The following ERCC6L2 variants were observed in gnomAD, a reference collection of about 807,000 sequenced individuals.
ERCC6L2 encodes ERCC excision repair 6 like 2, also known as DNA excision repair protein ERCC-6-like 2.
ERCC6L2 carries 77 observed loss-of-function variants against 132.0 expected under a neutral mutation model. The observed-to-expected ratio is 0.58, with a 90% CI of 0.49 to 0.71. ERCC6L2 has a LOEUF of 0.71. Ranked by LOEUF, ERCC6L2 falls within the 30% of genes least tolerant of loss-of-function variation. The pLI, the probability that ERCC6L2 is intolerant of heterozygous loss-of-function variation, is 0.00. For synonymous variants in ERCC6L2, 583 were observed against 632.4 expected, an observed-to-expected ratio of 0.92 and a Z score of 1.17; for missense variants, 1,542 against 1,837.6, an observed-to-expected ratio of 0.84 and a Z score of 2.94.
chr9:96,032,081 C>T (rs1168643311), intron 19 of ERCC6L2, among the ~76,000 whole-genome samples: 2 of 152,202 alleles, frequency 1.3e-5, no homozygotes, highest in Non-Finnish European at 1.5e-5. Flanking sequence ...GCTACTTCCA[C>T]ATCTCCCTTC....
chr9:95,966,701 A>G lies in ERCC6L2; in HGVS notation c.2087A>G (p.Lys696Arg), dbSNP rs1300174166. 5 of 1,473,668 alleles carry G rather than the reference A, an allele frequency of 3.4e-6. No homozygotes were observed. The highest frequency in any genetic ancestry group is 4.6e-6 in the Non-Finnish European group (5 of 1,091,142). 91.3% of individuals were successfully genotyped at this position (1,473,668 alleles called of 1,614,324 possible). A position where few individuals can be genotyped will look rare whatever the true frequency, so the allele number is the denominator to read the frequency against. The stretch of plus-strand genomic sequence containing the variant: ...AGGTCCCAAGGGTCTTGTCTTACGA[A>G]GGACATCCTGGAGGTGTGAACTTCT... Reference protein sequence around the residue: ...KFRSQGSCLTKDILEREGQVE... With the variant: ...KFRSQGSCLTRDILEREGQVE... The change falls in exon 14 of 19, where the codon AAG becomes AGG. Residue 696 changes from lysine to arginine, a missense_variant. By Grantham distance (26) the Lys-to-Arg change is conservative. Coordinates refer to ENST00000653738, the MANE Select transcript of ERCC6L2 (RefSeq NM_020207.7).
chr9:95,958,867 G>T (rs1831753493), intron 13 of ERCC6L2, among the ~76,000 whole-genome samples: 1 of 152,006 alleles, frequency 6.6e-6, no homozygotes, highest in Admixed American at 6.6e-5. Flanking sequence ...ACTGCTCAAT[G>T]AAATAAAAGA....
At chr9:96,038,469 G>T (rs1328959165) in intron 19 of ERCC6L2, among the ~76,000 whole-genome samples, 1 of 152,202 alleles carries the variant, frequency 6.6e-6, no homozygotes, top group East Asian at 1.9e-4. Context: ...AACAGCAGTA[G>T]GAGTCACCTG....
intron 19 of ERCC6L2, among the ~76,000 whole-genome samples, chr9:96,034,188 A>AG (rs922339364): frequency 2.0e-5 from 3 of 152,156 alleles, no homozygotes; most frequent in African/African-American, 7.2e-5. Flanking sequence ...TAGGGATAGG[A>AG]GGGGGGTCCG....
chr9:96,012,287 A>G lies in ERCC6L2; in HGVS notation c.3737A>G (p.His1246Arg), dbSNP rs1166045803. The G allele has an allele frequency of 1.5e-6, 2 of 1,343,994 alleles. No homozygotes were observed. Among genetic ancestry groups the G allele is most frequent in the Non-Finnish European group, 2.0e-6 (2 of 1,006,156 alleles). 83.3% of individuals were successfully genotyped at this position (1,343,994 alleles called of 1,614,324 possible). A position where few individuals can be genotyped will look rare whatever the true frequency, so the allele number is the denominator to read the frequency against. Residue 1246 changes from histidine to arginine, a missense_variant, in exon 19 of 19, where the codon CAT becomes CGT. Around this residue, in one of 4 missense-constraint regions of ERCC6L2, gnomAD observed 442 missense variants for 583.4 expected, o/e 0.76. Coordinates refer to ENST00000653738, the MANE Select transcript of ERCC6L2 (RefSeq NM_020207.7). ...NSSSVNEFAK[H>R]ITNATSEERQ... ...TCTTCTGTAAACGAATTTGCTAAAC[A>G]TATAACCAATGCCACATCAGAAGAA...
chr9:95,905,921 A>G (rs1328527135), intron 3 of ERCC6L2, among the ~76,000 whole-genome samples: 1 of 152,222 alleles, frequency 6.6e-6, no homozygotes, highest in Non-Finnish European at 1.5e-5. Context: ...GATCAAGTAT[A>G]AAACTTTAGA....
chr9:96,010,326 T>C (rs751064516), intron 18 of ERCC6L2, among the ~76,000 whole-genome samples: 2 of 152,222 alleles, frequency 1.3e-5, no homozygotes, highest in Non-Finnish European at 2.9e-5. Flanking sequence ...GTGTGCTTTA[T>C]GGTCTGCCCC....
rs1398903368 is a variant in ERCC6L2 at position 95,972,463 on chromosome 9, C to G, written c.2712C>G (p.Ile904Met). The G allele has an allele frequency of 2.3e-6, 3 of 1,285,768 alleles. No homozygotes were observed. The highest frequency in any genetic ancestry group is 3.0e-6 in the Non-Finnish European group (3 of 987,948). 79.6% of individuals were successfully genotyped at this position (1,285,768 alleles called of 1,614,324 possible). The change falls in exon 16 of 19, where the codon ATC becomes ATG. Residue 904 changes from isoleucine (I) to methionine (M), a missense_variant. By Grantham distance (10) the Ile-to-Met change is conservative. Around this residue, in one of 4 missense-constraint regions of ERCC6L2, gnomAD observed 945 missense variants for 1,105.2 expected, o/e 0.86. Coordinates refer to ENST00000653738, the MANE Select transcript of ERCC6L2 (RefSeq NM_020207.7). ...NVTESEDSDV[I>M]CPTQYTTERF... ...CAGAATCAGAAGATAGTGATGTCATCTGTCCTACACAATACACAACTGAGA... is the reference window on the plus strand; with the variant it reads ...CAGAATCAGAAGATAGTGATGTCATGTGTCCTACACAATACACAACTGAGA...
chr9:95,900,205 C>T (rs1035353598), intron 3 of ERCC6L2, among the ~76,000 whole-genome samples: 1 of 151,892 alleles, frequency 6.6e-6, no homozygotes, highest in Non-Finnish European at 1.5e-5. Flanking sequence ...CATAAGAATA[C>T]CCTGTCTTTA....
intron 2 of ERCC6L2, among the ~76,000 whole-genome samples, chr9:95,886,427 C>G (rs528389607): frequency 1.3e-5 from 2 of 152,070 alleles, no homozygotes; most frequent in Non-Finnish European, 2.9e-5. Context: ...TAACTTAGTA[C>G]GTAAAACAGG....
At chr9:95,966,513 A>G (rs773305155) in intron 13 of ERCC6L2, 49 bp from the exon 14 acceptor site, 11 of 1,385,134 alleles carry the variant, frequency 7.9e-6, no homozygotes, top group Non-Finnish European at 1.0e-5. Flanking sequence ...ATTCTGACAT[A>G]TTGTTGGAGC....
chr9:95,882,226 A>G (rs929612066), intron 2 of ERCC6L2, among the ~76,000 whole-genome samples: 1 of 152,226 alleles, frequency 6.6e-6, no homozygotes, highest in Admixed American at 6.5e-5. Flanking sequence ...TTGGTGATGT[A>G]ATAACACAAG....
At chr9:95,998,730 T>C (rs142313487) in intron 17 of ERCC6L2, among the ~76,000 whole-genome samples, 56 of 152,342 alleles carry the variant, frequency 3.7e-4, no homozygotes, top group African/African-American at 1.3e-3. Context: ...TTTAGCTTAG[T>C]GAGACCCATG....
intron 4 of ERCC6L2, among the ~76,000 whole-genome samples, chr9:95,910,097 G>GAT (rs1377522258): frequency 6.6e-6 from 1 of 152,208 alleles, no homozygotes; most frequent in Non-Finnish European, 1.5e-5. Context: ...GATTGGCCAA[G>GAT]ATGTTGCTTA....
intron 3 of ERCC6L2, chr9:95,904,999 C>T (rs918558293): frequency 2.0e-5 from 3 of 151,980 alleles, no homozygotes; most frequent in African/African-American, 4.8e-5. Context: ...ATCACCCTTC[C>T]CCCATGTCTA....
chr9:96,035,036 T>C (rs989616497), intron 19 of ERCC6L2, among the ~76,000 whole-genome samples: 2 of 152,094 alleles, frequency 1.3e-5, no homozygotes. Flanking sequence ...CTTGGGGGCC[T>C]GGGAAGGACT....
rs1834046281 is a variant in ERCC6L2, at chr9:96,012,142, T to A, written c.3675-83T>A. Reference sequence around the variant, plus strand: ...GAACAAGATTACCTTCTGTGGACTCTACATTTCCTCTTACTGGTGATGAGT... The same window carrying A: ...GAACAAGATTACCTTCTGTGGACTCAACATTTCCTCTTACTGGTGATGAGT... On this transcript the variant is annotated intron_variant, in intron 18 of 18. Transcript: ENST00000653738. The A allele has an allele frequency of 4.2e-6, 4 of 948,556 alleles. No homozygotes were observed. In the East Asian group the frequency reaches 2.5e-4, roughly 59 times the overall value. The allele number at this position is 948,556 out of a possible 1,614,324, so 58.8% of individuals were successfully genotyped here. A position where few individuals can be genotyped will look rare whatever the true frequency, so the allele number is the denominator to read the frequency against.
Position 95,922,447 on chromosome 9 carries a change from G to A in ERCC6L2, c.1413+29G>A, listed in dbSNP as rs199688622. The A allele has an allele frequency of 1.1e-5, 14 of 1,261,308 alleles. No homozygotes were observed. In the Admixed American group the frequency reaches 2.5e-4, roughly 22 times the overall value. The allele number at this position is 1,261,308 out of a possible 1,614,324, so 78.1% of individuals were successfully genotyped here. On this transcript the variant is annotated intron_variant, in intron 8 of 18. Transcript: ENST00000653738. ...TGGTTAGCATTTTACATTTCTTTGTGATGCTATTGTTGTGAATATTTTATA... is the reference window on the plus strand; with the variant it reads ...TGGTTAGCATTTTACATTTCTTTGTAATGCTATTGTTGTGAATATTTTATA...
Position 95,893,791 on chromosome 9 carries a change from G to A in ERCC6L2, c.472-4058G>A, listed in dbSNP as rs986449334. Among the ~76,000 whole-genome samples the A allele has an allele frequency of 2.7e-4, 41 of 151,926 alleles. 2 individuals carry two copies. The highest frequency in any genetic ancestry group is 4.4e-5 in the Non-Finnish European group (3 of 67,970). On this transcript the variant is annotated intron_variant, in intron 2 of 18. Coordinates refer to ENST00000653738, the MANE Select transcript of ERCC6L2 (RefSeq NM_020207.7). ...ATTTTTTCTTCATCAATTTTGCCAG[G>A]GGTTTATTGAAAAAATTCTTTCAAA...
Sources: gnomAD v4.1 joint callset for allele counts (sites outside exome capture counted in the v4.1 genomes callset) on GRCh38, gnomAD v4.1.1 for gene constraint, gnomAD v4.1.1 regional missense constraint, MANE v1.5 for transcripts, NCBI Gene and HGNC (gene_info 2026-07-23, HGNC 2026-07-21) for gene names.